SEPTIN9: variants seen among roughly 807,000 people sequenced by gnomAD.
SEPTIN9 encodes septin 9.
SEPTIN9 carries 13 observed loss-of-function variants against 56.6 expected under a neutral mutation model. The observed-to-expected ratio is 0.23, with a 90% CI of 0.15 to 0.37. SEPTIN9 has a LOEUF of 0.37. Ranked by LOEUF, SEPTIN9 falls within the 10% of genes least tolerant of loss-of-function variation. The pLI is 1.00. For synonymous variants in SEPTIN9, 332 were observed against 334.1 expected (o/e 0.99, Z 0.07); for missense variants, 650 against 823.1 (o/e 0.79, Z 2.57).
intron 2 of SEPTIN9, among the ~76,000 whole-genome samples, chr17:77,362,879 A>T (rs2034459447): frequency 6.6e-6 from 1 of 152,170 alleles, no homozygotes; most frequent in Non-Finnish European, 1.5e-5. Context: ...CTCTGAGCTG[A>T]GACCTGAAGA....
intron 10 of SEPTIN9, among the ~76,000 whole-genome samples, chr17:77,495,919 G>A (rs2040237826): frequency 6.6e-6 from 1 of 152,220 alleles, no homozygotes; most frequent in African/African-American, 2.4e-5. Context: ...GCAGCCTGGA[G>A]CCAGGTGTAT....
In SEPTIN9 at chr17:77,323,017, CAGGA is replaced by C. The variant is rs1244324129; in HGVS notation, c.76+15824_76+15827del. 2 of 152,474 alleles carry C rather than the reference CAGGA, an allele frequency of 1.3e-5. No individual in the cohort carries two copies. Among genetic ancestry groups the C allele is most frequent in the African/African-American group, 4.8e-5 (2 of 41,446 alleles). The allele number at this position is 152,474 out of a possible 1,614,324, so 9.4% of individuals were successfully genotyped here. On this transcript the variant is annotated intron_variant, in intron 2 of 11. Transcript: ENST00000427177. This position sits in a 1 kb window ranked among gnomAD's most constrained non-coding sequence, Gnocchi z 6.8. Reference sequence around the variant, plus strand: ...CAGCTCAGGCTGCCCTACAGCTGCCCAGGAAGGGTTTGTGGGAGGGGGTGGTCCT... The same window carrying C: ...CAGCTCAGGCTGCCCTACAGCTGCCCAGGGTTTGTGGGAGGGGGTGGTCCT...
chr17:77,396,146 G>A lies in SEPTIN9; in HGVS notation c.77-5913G>A, dbSNP rs570874347. Reference sequence around the variant, plus strand: ...TGGGAACCTCCTGCTCTATGGGTGGGGGGGTGACACTGCTTTACCTTCCAG... The same window carrying A: ...TGGGAACCTCCTGCTCTATGGGTGGAGGGGTGACACTGCTTTACCTTCCAG... On this transcript the variant is annotated intron_variant, in intron 2 of 11. Transcript: ENST00000427177. Among the ~76,000 whole-genome samples the A allele has an allele frequency of 1.8e-4, 28 of 152,264 alleles. No individual in the cohort carries two copies. In the South Asian group the frequency reaches 5.4e-3, roughly 29 times the overall value.
In SEPTIN9 at chr17:77,402,203, C is replaced by T. The variant is rs373496854; in HGVS notation, c.221C>T (p.Ser74Leu). ...CTGGGCGTGAAGAACTCAGAACCCT[C>T]GGCCCGCCATGTGGACTCCCTAAGC... ...QDLGVKNSEP[S>L]ARHVDSLSQR... The change falls in exon 3 of 12, where the codon TCG (serine) becomes TTG (leucine). Residue 74 changes from serine (S) to leucine (L), a missense_variant. Ser to Leu is a moderately radical substitution (Grantham distance 145). This residue lies in a region of SEPTIN9 where 317 missense variants were observed against 329.1 expected (regional missense o/e 0.96). Transcript: ENST00000427177. This position sits in a 1 kb window ranked among gnomAD's most constrained non-coding sequence, Gnocchi z 6.6. 40 of 1,613,552 alleles carry T rather than the reference C, an allele frequency of 2.5e-5. No individual in the cohort carries two copies. Among genetic ancestry groups the T allele is most frequent in the Middle Eastern group, 1.6e-4 (1 of 6,084 alleles).
At chr17:77,397,359 G>C (rs1372327092) in intron 2 of SEPTIN9, among the ~76,000 whole-genome samples, 1 of 152,090 alleles carries the variant, frequency 6.6e-6, no homozygotes, top group Non-Finnish European at 1.5e-5. Context: ...GTCCCCTTCT[G>C]CCTTTCTCCT....
intron 2 of SEPTIN9, among the ~76,000 whole-genome samples, chr17:77,351,603 G>T (rs1206785968): frequency 1.3e-5 from 2 of 152,206 alleles, no homozygotes; most frequent in Non-Finnish European, 2.9e-5. Context: ...CTCAGAGGCG[G>T]CCCCAGGGCC....
In SEPTIN9 at chr17:77,499,015, G is replaced by A. The variant is rs754702541; in HGVS notation, c.*357G>A. ...GGTTCTCAGTGCCGGAGGCCTTGGG[G>A]TGGGGGCCAGGCCTCGCACTTGCAG... On this transcript the variant is annotated 3_prime_UTR_variant, in exon 12 of 12. Coordinates refer to ENST00000427177, the MANE Select transcript of SEPTIN9 (RefSeq NM_001113491.2). 40 of 539,916 alleles carry A rather than the reference G, an allele frequency of 7.4e-5. No homozygotes were observed. The highest frequency in any genetic ancestry group is 6.5e-4 in the African/African-American group (35 of 54,152). The allele number at this position is 539,916 out of a possible 1,614,324, so 33.4% of individuals were successfully genotyped here. A position where few individuals can be genotyped will look rare whatever the true frequency, so the allele number is the denominator to read the frequency against.
rs2032791985 is a variant in SEPTIN9 at position 77,318,668 on chromosome 17, TGGTCCTCCCCACCCCC to T, written c.76+11472_76+11487del. Among the ~76,000 whole-genome samples the T allele has an allele frequency of 6.6e-6, 1 of 152,020 alleles. No homozygotes were observed. Among genetic ancestry groups the T allele is most frequent in the Non-Finnish European group, 1.5e-5 (1 of 67,986 alleles). On this transcript the variant is annotated intron_variant, in intron 2 of 11. Transcript: ENST00000427177. The surrounding 1 kb of genome is among the most constrained non-coding windows in gnomAD (Gnocchi z 4.9). ...TTGATGTCTCCCAGAAGGCTGGGAA[TGGTCCTCCCCACCCCC>T]CAGGAAGATGTCCTTTCTGCCAAGG...
rs1417341063 is a variant in SEPTIN9, at chr17:77,283,178, T to TAAAA, written c.19+1629_19+1632dup. The stretch of plus-strand genomic sequence containing the variant: ...TGGGTTTCTTTTTTTTTTTTTTTTT[T>TAAAA]AAAAAAAAGGACAGAACCTTTTGCA... On this transcript the variant is annotated intron_variant, in intron 1 of 11. Transcript: ENST00000427177. Among the ~76,000 whole-genome samples the TAAAA allele has an allele frequency of 3.4e-3, 502 of 147,058 alleles. 1 individual carries two copies. Among genetic ancestry groups the TAAAA allele is most frequent in the African/African-American group, 0.012 (477 of 39,102 alleles).
intron 1 of SEPTIN9, among the ~76,000 whole-genome samples, chr17:77,292,423 G>A (rs1019044600): frequency 3.3e-5 from 5 of 152,138 alleles, no homozygotes; most frequent in Middle Eastern, 3.4e-3. Flanking sequence ...CAAGGCTGGC[G>A]TAGCCTTTTC....
chr17:77,320,172 C>G (rs1229527904), intron 2 of SEPTIN9: 1 of 1,551,518 alleles, frequency 6.4e-7, no homozygotes, highest in Non-Finnish European at 8.7e-7. Flanking sequence ...GTGATTGCAA[C>G]AGATTGAAGA....
intron 3 of SEPTIN9, among the ~76,000 whole-genome samples, chr17:77,432,254 A>T (rs552838976): frequency 1.3e-5 from 2 of 152,332 alleles, no homozygotes; most frequent in South Asian, 4.1e-4. Context: ...ATGATGAGAA[A>T]CAAAGGTGTT....
intron 3 of SEPTIN9, among the ~76,000 whole-genome samples, chr17:77,464,235 C>T (rs974148722): frequency 1.3e-5 from 2 of 152,096 alleles, no homozygotes; most frequent in Admixed American, 6.5e-5. Context: ...TGCCACCACA[C>T]GTGGCTAATT....
At chr17:77,342,327 A>G (rs1012001918) in intron 2 of SEPTIN9, among the ~76,000 whole-genome samples, 1 of 152,134 alleles carries the variant, frequency 6.6e-6, no homozygotes, top group Non-Finnish European at 1.5e-5. Flanking sequence ...GTTCCTTGTC[A>G]CTGTAATGTC....
chr17:77,438,187 A>G (rs2037420384), intron 3 of SEPTIN9, among the ~76,000 whole-genome samples: 1 of 152,172 alleles, frequency 6.6e-6, no homozygotes, highest in Non-Finnish European at 1.5e-5. Flanking sequence ...ACAGATGCTC[A>G]CGGAGCTGCT....
At chr17:77,361,227 T>A (rs773433522) in intron 2 of SEPTIN9, among the ~76,000 whole-genome samples, 1 of 152,148 alleles carries the variant, frequency 6.6e-6, no homozygotes, top group Non-Finnish European at 1.5e-5. Flanking sequence ...CTGGGCCTCT[T>A]TCGTTCTTTC....
chr17:77,412,691 A>C (rs927264506), intron 3 of SEPTIN9, among the ~76,000 whole-genome samples: 4 of 151,716 alleles, frequency 2.6e-5, no homozygotes, highest in Non-Finnish European at 1.5e-5. Flanking sequence ...ATACCACTGC[A>C]CTCCAGCCTG....
intron 3 of SEPTIN9, among the ~76,000 whole-genome samples, chr17:77,479,547 TG>T (rs1331431264): frequency 6.6e-6 from 1 of 152,338 alleles, no homozygotes; most frequent in Non-Finnish European, 1.5e-5. Flanking sequence ...ATGGCAAAGA[TG>T]GGGCTCGGCT....
intron 3 of SEPTIN9, among the ~76,000 whole-genome samples, chr17:77,418,889 G>T (rs1024495607): frequency 7.2e-5 from 11 of 152,138 alleles, no homozygotes; most frequent in African/African-American, 2.4e-4. Flanking sequence ...GCCCCTGGAA[G>T]CCACAGCCAG....
Sources: gnomAD v4.1 joint callset for allele counts (sites outside exome capture counted in the v4.1 genomes callset) on GRCh38, gnomAD v4.1.1 for gene constraint, gnomAD v4.1.1 regional missense constraint, Gnocchi (gnomAD v3.1) non-coding constraint, MANE v1.5 for transcripts, NCBI Gene and HGNC (gene_info 2026-07-23, HGNC 2026-07-21) for gene names.